Variants in UPF1 observed in about 807,000 individuals in gnomAD.
UPF1 encodes the protein UPF1 RNA helicase and ATPase.
A neutral mutation model predicts 129.2 loss-of-function variants in UPF1; 9 were observed. The ratio of observed to expected loss-of-function variants is 0.07; its 90% confidence interval spans 0.04 to 0.12. UPF1 has a LOEUF of 0.12. Among genes scored for constraint, UPF1 ranks in the 10% least tolerant of loss-of-function variants. The pLI is 1.00. For synonymous variants in UPF1, 649 were observed against 644.9 expected, an observed-to-expected ratio of 1.01 and a Z score of -0.10; for missense variants, 788 against 1,525.3, an observed-to-expected ratio of 0.52 and a Z score of 8.05.
rs965331971 is a variant in UPF1, at chr19:18,867,855, A to T, written c.*1338A>T. 3 of 152,230 alleles carry T rather than the reference A, an allele frequency of 2.0e-5. No individual in the cohort carries two copies. The highest frequency in any genetic ancestry group is 1.3e-4 in the Admixed American group (2 of 15,278). 9.4% of individuals were successfully genotyped at this position (152,230 alleles called of 1,614,324 possible). Reference sequence around the variant, plus strand: ...GGGCCTGGGGCTGTCACTGGCCCTGATCCGAACACCTCCAGATTCCGGCTT... The same window carrying T: ...GGGCCTGGGGCTGTCACTGGCCCTGTTCCGAACACCTCCAGATTCCGGCTT... On this transcript the variant is annotated 3_prime_UTR_variant, in exon 24 of 24. Coordinates refer to ENST00000262803, the MANE Select transcript of UPF1 (RefSeq NM_002911.4).
chr19:18,856,156 G>A lies in UPF1; in HGVS notation c.1710-30G>A, dbSNP rs374717309. The A allele has an allele frequency of 7.6e-4, 1,218 of 1,605,820 alleles. 1 individual carries two copies. Among genetic ancestry groups the A allele is most frequent in the Non-Finnish European group, 9.6e-4 (1,129 of 1,173,370 alleles). ...CTGCGGGTGACATGTACAGAACTCAGGCACCCTGCTGACCTGCATGTGCTT... is the reference window on the plus strand; with the variant it reads ...CTGCGGGTGACATGTACAGAACTCAAGCACCCTGCTGACCTGCATGTGCTT... On this transcript the variant is annotated intron_variant, in intron 12 of 23. Transcript: ENST00000262803.
At chr19:18,846,447 GC>G (rs1424719201) in intron 2 of UPF1, among the ~76,000 whole-genome samples, 1 of 152,084 alleles carries the variant, frequency 6.6e-6, no homozygotes, top group Non-Finnish European at 1.5e-5. Flanking sequence ...CATTGGGTGA[GC>G]ATCTGGGGTG....
chr19:18,854,460 C>T (rs1368884690), intron 8 of UPF1, 141 bp from the exon 9 acceptor site: 7 of 675,788 alleles, frequency 1.0e-5, no homozygotes, highest in East Asian at 7.6e-5. Flanking sequence ...GTTGGCTGCA[C>T]GTTTTTAGCG....
At chr19:18,848,299 G>T (rs970808054) in intron 3 of UPF1, 9 of 166,256 alleles carry the variant, frequency 5.4e-5, no homozygotes, top group Non-Finnish European at 6.6e-5. Flanking sequence ...CGCTGGGCTT[G>T]CCTTCCTGAT....
intron 15 of UPF1, among the ~76,000 whole-genome samples, chr19:18,858,884 A>G (rs1292019546): frequency 6.6e-6 from 1 of 152,238 alleles, no homozygotes; most frequent in East Asian, 1.9e-4. Flanking sequence ...AATAAACAAA[A>G]GCTGTTTGGA....
intron 18 of UPF1, among the ~76,000 whole-genome samples, chr19:18,862,774 G>C (rs937636195): frequency 1.3e-5 from 2 of 152,042 alleles, no homozygotes; most frequent in Non-Finnish European, 2.9e-5. Context: ...GGAGGTTGTG[G>C]TGAGCCGAGA....
chr19:18,832,544 A>G lies in UPF1; in HGVS notation c.231+104A>G, dbSNP rs1348672293. The G allele has an allele frequency of 2.3e-6, 2 of 863,642 alleles. No homozygotes were observed. The highest frequency in any genetic ancestry group is 6.2e-5 in the Admixed American group (1 of 16,100). The allele number at this position is 863,642 out of a possible 1,614,324, so 53.5% of individuals were successfully genotyped here. A position where few individuals can be genotyped will look rare whatever the true frequency, so the allele number is the denominator to read the frequency against. ...GGCCTGTGTTTGGCCGGAGTCCCCC[A>G]TCGCGGCCGGGCCTGGGGCGATCTG... is the stretch of plus-strand genomic sequence containing the variant. On this transcript the variant is annotated intron_variant, in intron 1 of 23. Transcript: ENST00000262803. The surrounding 1 kb of genome is among the most constrained non-coding windows in gnomAD (Gnocchi z 5.6).
At chr19:18,864,588 T>G (rs1473168082) in intron 20 of UPF1, among the ~76,000 whole-genome samples, 1 of 152,168 alleles carries the variant, frequency 6.6e-6, no homozygotes, top group Admixed American at 6.5e-5. Flanking sequence ...GATTTTCATT[T>G]ATTTTCTTTT....
In UPF1 at chr19:18,853,154, A is replaced by G; in HGVS notation, c.1057+83A>G. ...GTGACCATAAGTAGCATAAATTCCTAGTTCCACCCTTGTAAAGTGCCCCTT... is the reference window on the plus strand; with the variant it reads ...GTGACCATAAGTAGCATAAATTCCTGGTTCCACCCTTGTAAAGTGCCCCTT... On this transcript the variant is annotated intron_variant, in intron 7 of 23. Transcript: ENST00000262803. The surrounding 1 kb of genome is among the most constrained non-coding windows in gnomAD (Gnocchi z 4.4). The G allele has an allele frequency of 6.2e-7, 1 of 1,602,184 alleles. No individual in the cohort carries two copies. The highest frequency in any genetic ancestry group is 8.5e-7 in the Non-Finnish European group (1 of 1,171,206).
chr19:18,861,053 A>AC, intron 17 of UPF1, 71 bp downstream of exon 17: 3 of 1,482,040 alleles, frequency 2.0e-6, no homozygotes, highest in Non-Finnish European at 9.0e-7. Flanking sequence ...CCTTTAAGTT[A>AC]CCCCCCAAGA....
intron 1 of UPF1, among the ~76,000 whole-genome samples, chr19:18,845,262 C>T (rs1487844989): frequency 6.6e-6 from 1 of 152,188 alleles, no homozygotes; most frequent in Non-Finnish European, 1.5e-5. Flanking sequence ...CTATGGGGGC[C>T]ATGCCAGGGA....
chr19:18,860,934 G>C lies in UPF1; in HGVS notation c.2409G>C (p.Leu803=), dbSNP rs1295604406. The part of the protein sequence containing the change: ...ITPYEGQRSY[L]VQYMQFSGSL... The stretch of plus-strand genomic sequence containing the variant: ...CCTACGAGGGCCAGCGCTCCTACCT[G>C]GTGCAGTACATGCAGTTCAGCGGCT... Residue 803 remains leucine (L), a synonymous_variant, in exon 17 of 24, where the codon CTG becomes CTC. Coordinates refer to ENST00000262803, the MANE Select transcript of UPF1 (RefSeq NM_002911.4). The C allele has an allele frequency of 6.3e-7, 1 of 1,594,348 alleles. No homozygotes were observed. Among genetic ancestry groups the C allele is most frequent in the South Asian group, 1.1e-5 (1 of 88,362 alleles).
intron 1 of UPF1, among the ~76,000 whole-genome samples, chr19:18,845,665 C>T (rs1310830722): frequency 1.3e-5 from 2 of 152,078 alleles, no homozygotes; most frequent in Non-Finnish European, 2.9e-5. Context: ...AAAAGTCACC[C>T]TGCTCCTTGT....
In UPF1 at chr19:18,832,538, TC is replaced by T; in HGVS notation, c.231+103del. The T allele has an allele frequency of 1.1e-6, 1 of 897,882 alleles. No homozygotes were observed. The highest frequency in any genetic ancestry group is 1.3e-6 in the Non-Finnish European group (1 of 750,116). 55.6% of individuals were successfully genotyped at this position (897,882 alleles called of 1,614,324 possible). A position where few individuals can be genotyped will look rare whatever the true frequency, so the allele number is the denominator to read the frequency against. ...GGGCCCGGCCTGTGTTTGGCCGGAG[TC>T]CCCCATCGCGGCCGGGCCTGGGGCG... On this transcript the variant is annotated intron_variant, in intron 1 of 23. Transcript: ENST00000262803. This position sits in a 1 kb window ranked among gnomAD's most constrained non-coding sequence, Gnocchi z 5.6.
chr19:18,851,025 G>GTCATT lies in UPF1; in HGVS notation c.810+157_810+158insTCATT. 1.1e-6 allele frequency: 1 copy of GTCATT among 892,134 alleles called. No homozygotes were observed. Among genetic ancestry groups the GTCATT allele is most frequent in the Non-Finnish European group, 1.6e-6 (1 of 633,566 alleles). The allele number at this position is 892,134 out of a possible 1,614,324, so 55.3% of individuals were successfully genotyped here. A position where few individuals can be genotyped will look rare whatever the true frequency, so the allele number is the denominator to read the frequency against. On this transcript the variant is annotated intron_variant, in intron 5 of 23. Coordinates refer to ENST00000262803, the MANE Select transcript of UPF1 (RefSeq NM_002911.4). This position sits in a 1 kb window ranked among gnomAD's most constrained non-coding sequence, Gnocchi z 4.2. Reference sequence around the variant, plus strand: ...CCACCTCTACGTGGAATGACCTCAGGGCACCTTGGTCACCTTCCATCCAGG... The same window carrying GTCATT: ...CCACCTCTACGTGGAATGACCTCAGGTCATTGCACCTTGGTCACCTTCCATCCAGG...
intron 15 of UPF1, among the ~76,000 whole-genome samples, chr19:18,859,085 A>G (rs1277404185): frequency 6.6e-6 from 1 of 152,168 alleles, no homozygotes; most frequent in Non-Finnish European, 1.5e-5. Context: ...CACTATTGAC[A>G]TCGCAGGGAC....
At chr19:18,854,842 A>G (rs202166971) in intron 9 of UPF1, 37 bp from the exon 10 acceptor site, 1 of 1,612,184 alleles carries the variant, frequency 6.2e-7, no homozygotes, top group East Asian at 2.2e-5. Flanking sequence ...AGGCGGCCAC[A>G]GCTGTGCGTG....
At chr19:18,862,965 TCTC>T (rs997279392) in intron 18 of UPF1, 5 of 155,610 alleles carry the variant, frequency 3.2e-5, no homozygotes, top group African/African-American at 9.6e-5. Flanking sequence ...GCGCGGTGGT[TCTC>T]CTCTAGGTCA....
Position 18,865,634 on chromosome 19 carries a change from C to G in UPF1, c.3093C>G (p.Ser1031Arg). 1 of 1,613,824 alleles carries G rather than the reference C, an allele frequency of 6.2e-7. No homozygotes were observed. The highest frequency in any genetic ancestry group is 1.1e-5 in the South Asian group (1 of 91,086). The change falls in exon 22 of 24, where the codon AGC becomes AGG. Residue 1031 changes from serine (S) to arginine (R), a missense_variant. By Grantham distance (110) the Ser-to-Arg change is moderately radical (BLOSUM62 -1). Around this residue, in one of 6 missense-constraint regions of UPF1, gnomAD observed 218 missense variants for 318.1 expected, o/e 0.69. Transcript: ENST00000262803. The surrounding 1 kb of genome is among the most constrained non-coding windows in gnomAD (Gnocchi z 6.1). ...QKNRFGLPGP[S>R]QTNLPNSQAS... ...ACCGCTTTGGGCTTCCTGGACCCAG[C>G]CAGACTAACCTCCCCAACAGCCAAG... is the stretch of plus-strand genomic sequence containing the variant.
Sources: allele counts gnomAD v4.1 joint callset (sites outside exome capture counted in the v4.1 genomes callset), GRCh38; gene constraint gnomAD v4.1.1; regional missense constraint gnomAD v4.1.1; non-coding constraint Gnocchi (gnomAD v3.1); transcripts MANE v1.5; gene names NCBI Gene and HGNC (gene_info 2026-07-23, HGNC 2026-07-21).